The following CNTN4 variants were observed in gnomAD, a reference collection of about 807,000 sequenced individuals.
The protein encoded by CNTN4 is contactin-4.
Under a neutral mutation model 122.5 loss-of-function variants are expected in CNTN4, and 77 were observed. The observed-to-expected ratio is 0.63, with a 90% CI of 0.52 to 0.76. The LOEUF is 0.76. CNTN4 is among the 30% of genes least tolerant of loss of function. The pLI, the probability that CNTN4 is intolerant of heterozygous loss-of-function variation, is 0.00. For missense variants in CNTN4, 1,256 were observed against 1,259.1 expected (o/e 1.00, Z 0.04); for synonymous variants, 512 against 447.0 (o/e 1.15, Z -1.83).
chr3:2,132,811 G>A (rs2034514363), intron 2 of CNTN4, among the ~76,000 whole-genome samples: 1 of 152,122 alleles, frequency 6.6e-6, no homozygotes, highest in Non-Finnish European at 1.5e-5. Flanking sequence ...GTGGATGACA[G>A]GGCCCATTTC....
intron 14 of CNTN4, among the ~76,000 whole-genome samples, chr3:3,006,670 CAG>C (rs373042833): frequency 2.6e-5 from 4 of 152,254 alleles, no homozygotes; most frequent in South Asian, 4.2e-4. Flanking sequence ...CAAGGAAAAA[CAG>C]AGGTCGTCAA....
At chr3:2,558,818 G>A (rs901131573) in intron 3 of CNTN4, among the ~76,000 whole-genome samples, 2 of 152,074 alleles carry the variant, frequency 1.3e-5, no homozygotes, top group Non-Finnish European at 2.9e-5. Flanking sequence ...GCTGTCCTTT[G>A]GAGATTCTTG....
chr3:2,250,161 A>G (rs2040318791), intron 2 of CNTN4, among the ~76,000 whole-genome samples: 4 of 151,980 alleles, frequency 2.6e-5, no homozygotes. Context: ...GTAAAATCAT[A>G]TTCACTTCTG....
At chr3:2,328,325 G>A (rs908516356) in intron 2 of CNTN4, among the ~76,000 whole-genome samples, 20 of 150,446 alleles carry the variant, frequency 1.3e-4, no homozygotes, top group African/African-American at 3.6e-4. Flanking sequence ...AGAATGGCGG[G>A]AACCCGGGAG....
At chr3:2,149,433 G>T (rs1559288884) in intron 2 of CNTN4, among the ~76,000 whole-genome samples, 2 of 152,122 alleles carry the variant, frequency 1.3e-5, no homozygotes. Context: ...TGAGATGAAT[G>T]CATACTTCAG....
chr3:2,967,220 G>A (rs1192421158), intron 13 of CNTN4, among the ~76,000 whole-genome samples: 1 of 152,122 alleles, frequency 6.6e-6, no homozygotes, highest in Non-Finnish European at 1.5e-5. Flanking sequence ...TTCTTGCACT[G>A]AGTCAGTTCC....
intron 2 of CNTN4, among the ~76,000 whole-genome samples, chr3:2,166,861 A>C (rs111599706): frequency 0.016 from 2,394 of 152,292 alleles, 65 homozygotes; most frequent in African/African-American, 0.055. Flanking sequence ...TAAGATGAAT[A>C]GCTCCTTAAT....
At chr3:2,521,711 T>C (rs552465822) in intron 3 of CNTN4, among the ~76,000 whole-genome samples, 8 of 152,116 alleles carry the variant, frequency 5.3e-5, no homozygotes, top group Non-Finnish European at 1.0e-4. Flanking sequence ...TGTAATTTCT[T>C]TCCCCCAAGT....
chr3:2,478,408 G>GT (rs11369134), intron 3 of CNTN4, among the ~76,000 whole-genome samples: 97,723 of 146,818 alleles, frequency 0.67, 32,956 homozygotes, highest in East Asian at 0.94. Flanking sequence ...TTATCTGTTT[G>GT]TTTTTTTTTT....
chr3:2,553,186 G>C (rs958137612), intron 3 of CNTN4, among the ~76,000 whole-genome samples: 8 of 152,140 alleles, frequency 5.3e-5, no homozygotes, highest in African/African-American at 1.9e-4. Context: ...TCTTTAAAGA[G>C]AAGAATCATC....
chr3:2,742,416 A>G (rs2089507902), intron 5 of CNTN4, among the ~76,000 whole-genome samples: 1 of 152,232 alleles, frequency 6.6e-6, no homozygotes, highest in African/African-American at 2.4e-5. Context: ...GATAGAAGAA[A>G]TGTTCACTCA....
At chr3:2,188,218 A>G (rs911963409) in intron 2 of CNTN4, among the ~76,000 whole-genome samples, 12 of 152,120 alleles carry the variant, frequency 7.9e-5, no homozygotes, top group African/African-American at 2.9e-4. Flanking sequence ...GCCCTTCAAC[A>G]TGGAAGTCCA....
intron 4 of CNTN4, among the ~76,000 whole-genome samples, chr3:2,589,698 C>T (rs961046450): frequency 3.3e-5 from 5 of 152,184 alleles, no homozygotes; most frequent in Non-Finnish European, 2.9e-5. Flanking sequence ...GCTGGGGCTG[C>T]GGTTGCTGAA....
intron 7 of CNTN4, among the ~76,000 whole-genome samples, chr3:2,855,382 A>G (rs1577065493): frequency 6.6e-6 from 1 of 152,320 alleles, no homozygotes. Flanking sequence ...GTAATTTTCT[A>G]TATCTCACTT....
intron 4 of CNTN4, among the ~76,000 whole-genome samples, chr3:2,632,826 A>G (rs1024593951): frequency 3.3e-5 from 5 of 152,102 alleles, no homozygotes; most frequent in Admixed American, 2.6e-4. Context: ...TGCCTCAGAA[A>G]AGCTGAGTAA....
intron 4 of CNTN4, among the ~76,000 whole-genome samples, chr3:2,666,478 CACTGTTGATTTTTCCAAAGTAAGACATT>C (rs1344755459): frequency 3.9e-5 from 6 of 152,084 alleles, no homozygotes; most frequent in Non-Finnish European, 8.8e-5. Context: ...CTTTTATGAT[CACTGTTGATTTTTCCAAAGTAAGACATT>C]ACTGATTTAT....
chr3:2,379,239 T>G (rs2045931810), intron 3 of CNTN4, among the ~76,000 whole-genome samples: 1 of 152,200 alleles, frequency 6.6e-6, no homozygotes, highest in South Asian at 2.1e-4. Context: ...TTTGAATTTC[T>G]TTTTCCTGCC....
intron 2 of CNTN4, among the ~76,000 whole-genome samples, chr3:2,190,619 G>A (rs1013285649): frequency 6.6e-6 from 1 of 151,866 alleles, no homozygotes; most frequent in African/African-American, 2.4e-5. Context: ...AGTCTGCATG[G>A]GTGGTAGGTG....
chr3:2,706,087 T>C (rs2086717790), intron 4 of CNTN4, among the ~76,000 whole-genome samples: 1 of 149,228 alleles, frequency 6.7e-6, no homozygotes, highest in Admixed American at 6.9e-5. Flanking sequence ...AGTGTAAAGT[T>C]CTCATCTTCT....
Sources: allele counts gnomAD v4.1 joint callset (sites outside exome capture counted in the v4.1 genomes callset), GRCh38; gene constraint gnomAD v4.1.1; transcripts MANE v1.5; gene names NCBI Gene and HGNC (gene_info 2026-07-23, HGNC 2026-07-21).